ASTN1: variants seen among roughly 807,000 people sequenced by gnomAD.
ASTN1 encodes astrotactin 1.
A neutral mutation model predicts 140.7 loss-of-function variants in ASTN1; 41 were observed. The ratio of observed to expected loss-of-function variants is 0.29; its 90% CI spans 0.23 to 0.38. The LOEUF (loss-of-function observed/expected upper bound fraction) is 0.38, where lower values mean the gene tolerates loss of function less well. ASTN1 is among the 10% of genes least tolerant of loss of function. The pLI is 1.00. For missense variants in ASTN1, 1,479 were observed against 1,678.8 expected (o/e 0.88, Z 2.08); for synonymous variants, 640 against 652.2 (o/e 0.98, Z 0.29).
At chr1:176,979,090 A>C (rs1015544409) in intron 8 of ASTN1, among the ~76,000 whole-genome samples, 1 of 152,194 alleles carries the variant, frequency 6.6e-6, no homozygotes, top group African/African-American at 2.4e-5. Context: ...GAAGGGAAAC[A>C]GTCCTGGAGC....
chr1:177,085,428 G>A (rs6425409), intron 1 of ASTN1, among the ~76,000 whole-genome samples: 69,139 of 151,956 alleles, frequency 0.45, 17,170 homozygotes, highest in Non-Finnish European at 0.57. Flanking sequence ...TGTTTACCCA[G>A]CGTTTATTGG....
chr1:176,968,382 C>T (rs139187496), intron 8 of ASTN1, among the ~76,000 whole-genome samples: 11 of 152,298 alleles, frequency 7.2e-5, no homozygotes, highest in African/African-American at 1.9e-4. Context: ...GCAATGCCAA[C>T]GCCAGGCTTT....
chr1:177,164,260 G>T (rs554235038), intron 1 of ASTN1, 134 bp downstream of exon 1: 5 of 994,116 alleles, frequency 5.0e-6, no homozygotes, highest in Admixed American at 2.9e-5. Flanking sequence ...AATGGTCCGG[G>T]AGTGGGGCGG....
chr1:177,041,713 CG>C (rs879733942), intron 2 of ASTN1, among the ~76,000 whole-genome samples: 3 of 152,216 alleles, frequency 2.0e-5, no homozygotes, highest in Admixed American at 6.5e-5. Context: ...GAACAAGTAA[CG>C]GAAGAGGCAG....
intron 16 of ASTN1, among the ~76,000 whole-genome samples, chr1:176,921,872 T>A (rs144088511): frequency 1.3e-5 from 2 of 152,010 alleles, no homozygotes; most frequent in African/African-American, 2.4e-5. Context: ...GGGGAGGGTG[T>A]TTGGGGAGAC....
chr1:177,135,194 A>T (rs1467144197), intron 1 of ASTN1, among the ~76,000 whole-genome samples: 1 of 152,090 alleles, frequency 6.6e-6, no homozygotes, highest in African/African-American at 2.4e-5. Context: ...ATTTCATCAC[A>T]TCAGTAGTGG....
intron 8 of ASTN1, among the ~76,000 whole-genome samples, chr1:176,979,102 T>G (rs985005384): frequency 7.9e-5 from 12 of 152,084 alleles, no homozygotes; most frequent in South Asian, 4.2e-4. Context: ...TCCTGGAGCA[T>G]GTATGGTGAA....
chr1:177,062,460 G>C (rs1284857343), intron 1 of ASTN1, among the ~76,000 whole-genome samples: 1 of 150,726 alleles, frequency 6.6e-6, no homozygotes, highest in African/African-American at 2.4e-5. Flanking sequence ...GCCCAGGCTG[G>C]TCTTGAACTC....
intron 1 of ASTN1, among the ~76,000 whole-genome samples, chr1:177,155,448 AC>A (rs1683197890): frequency 6.6e-6 from 1 of 152,212 alleles, no homozygotes; most frequent in Admixed American, 6.5e-5. Flanking sequence ...TGTATGAACA[AC>A]CTCACTGGAA....
intron 18 of ASTN1, among the ~76,000 whole-genome samples, chr1:176,887,281 C>T (rs1669068946): frequency 1.3e-5 from 2 of 152,196 alleles, no homozygotes; most frequent in African/African-American, 2.4e-5. Context: ...TCAACTACCC[C>T]ATGACAGCTC....
At position 177,032,983 on chromosome 1, in the gene ASTN1, G is replaced by A. The variant is rs553593009; in HGVS notation, c.472-134C>T. The A allele has an allele frequency of 7.1e-6, 8 of 1,130,466 alleles. No homozygotes were observed. In the Admixed American group the frequency reaches 2.3e-4, roughly 32 times the overall value. The allele number at this position is 1,130,466 out of a possible 1,614,324, so 70.0% of individuals were successfully genotyped here. A position where few individuals can be genotyped will look rare whatever the true frequency, so the allele number is the denominator to read the frequency against. ...CATTCAGCTGTATTAAGCATTTACA[G>A]CAAGCATCATTCAGCAGCAAAGGGA... is the stretch of plus-strand genomic sequence containing the variant. On this transcript the variant is annotated intron_variant, in intron 2 of 22. Coordinates refer to ENST00000361833, the MANE Select transcript of ASTN1 (RefSeq NM_004319.3).
intron 1 of ASTN1, among the ~76,000 whole-genome samples, chr1:177,091,045 G>A (rs996458641): frequency 3.3e-5 from 5 of 151,848 alleles, no homozygotes; most frequent in African/African-American, 9.7e-5. Flanking sequence ...CTGGTGAAAG[G>A]GGAAGTCCTG....
Position 176,864,042 on chromosome 1 carries a change from A to G in ASTN1, c.*242T>C, listed in dbSNP as rs1668050336. The G allele has an allele frequency of 3.0e-6, 4 of 1,321,720 alleles. No homozygotes were observed. In the Admixed American group the frequency reaches 1.4e-4, roughly 47 times the overall value. The allele number at this position is 1,321,720 out of a possible 1,614,324, so 81.9% of individuals were successfully genotyped here. ...TAATGGCAAAGCAAACCCCAAAGTA[A>G]TCCTCTAAAGAAATATGGCACTGCA... On this transcript the variant is annotated 3_prime_UTR_variant, in exon 23 of 23. Coordinates refer to ENST00000361833, the MANE Select transcript of ASTN1 (RefSeq NM_004319.3).
chr1:176,860,604 G>C (rs191527178), downstream of ASTN1, among the ~76,000 whole-genome samples: 19 of 151,320 alleles, frequency 1.3e-4, no homozygotes, highest in African/African-American at 3.9e-4. Flanking sequence ...AGGGCCTTTT[G>C]CAACATTTTT....
chr1:177,101,142 T>C (rs542930830), intron 1 of ASTN1, among the ~76,000 whole-genome samples: 1 of 152,250 alleles, frequency 6.6e-6, no homozygotes, highest in Admixed American at 6.5e-5. Context: ...GGAGCACTGT[T>C]TGGCAGCAAC....
chr1:177,073,195 CA>C (rs1289799262), intron 1 of ASTN1, among the ~76,000 whole-genome samples: 1 of 152,286 alleles, frequency 6.6e-6, no homozygotes, highest in Admixed American at 6.5e-5. Flanking sequence ...AATTCTGTGC[CA>C]GGGGACATTC....
At chr1:176,883,581 G>T (rs559753602) in intron 19 of ASTN1, among the ~76,000 whole-genome samples, 88 of 152,312 alleles carry the variant, frequency 5.8e-4, no homozygotes, top group Non-Finnish European at 9.8e-4. Flanking sequence ...ATACCTGTGC[G>T]CATCAGGCAA....
At chr1:177,151,648 G>A (rs143984726) in intron 1 of ASTN1, among the ~76,000 whole-genome samples, 314 of 152,252 alleles carry the variant, frequency 2.1e-3, no homozygotes, top group East Asian at 0.018. Flanking sequence ...GCCTGAGAGA[G>A]AATAAGCTTT....
At chr1:177,065,787 C>G (rs1678324663) in intron 1 of ASTN1, among the ~76,000 whole-genome samples, 1 of 152,064 alleles carries the variant, frequency 6.6e-6, no homozygotes, top group Non-Finnish European at 1.5e-5. Flanking sequence ...GGAAAGTCAC[C>G]TATGGTTTTA....
Sources: allele counts gnomAD v4.1 joint callset (sites outside exome capture counted in the v4.1 genomes callset), GRCh38; gene constraint gnomAD v4.1.1; transcripts MANE v1.5; gene names NCBI Gene and HGNC (gene_info 2026-07-23, HGNC 2026-07-21).